The following L3MBTL2 variants were observed in gnomAD, a reference collection of about 807,000 sequenced individuals.
L3MBTL2 encodes the protein L3MBTL histone methyl-lysine binding protein 2.
A neutral mutation model predicts 86.4 loss-of-function variants in L3MBTL2; 49 were observed. The observed-to-expected ratio is 0.57, with a 90% CI of 0.45 to 0.72. L3MBTL2 has a LOEUF of 0.72. L3MBTL2 is among the 30% of genes least tolerant of loss of function. The pLI is 0.00. For missense variants in L3MBTL2, 755 were observed against 923.7 expected (o/e 0.82, Z 2.37); for synonymous variants, 336 against 350.6 (o/e 0.96, Z 0.47).
At chr22:41,226,787 G>A in intron 13 of L3MBTL2, 43 bp downstream of exon 13, 1 of 1,389,310 alleles carries the variant, frequency 7.2e-7, no homozygotes, top group Non-Finnish European at 1.0e-6. Context: ...GGTGGCCTCA[G>A]GACAGGCCCT....
At position 41,230,304 on chromosome 22, in the gene L3MBTL2, T is replaced by C; in HGVS notation, c.*53T>C. On this transcript the variant is annotated 3_prime_UTR_variant, in exon 17 of 17. Coordinates refer to ENST00000216237, the MANE Select transcript of L3MBTL2 (RefSeq NM_031488.5). ...GCTGGAAGCCAGCCCAGCGTTTCTC[T>C]ACCACCACCACCATGCCTCCACCTG... 7.7e-7 allele frequency: 1 copy of C among 1,302,096 alleles called. No individual in the cohort carries two copies. The highest frequency in any genetic ancestry group is 1.1e-6 in the Non-Finnish European group (1 of 898,588). The allele number at this position is 1,302,096 out of a possible 1,614,324, so 80.7% of individuals were successfully genotyped here.
chr22:41,225,980 C>T lies in L3MBTL2; in HGVS notation c.1504+39C>T. On this transcript the variant is annotated intron_variant, in intron 12 of 16. Transcript: ENST00000216237. The surrounding 1 kb of genome is among the most constrained non-coding windows in gnomAD (Gnocchi z 4.1). Reference sequence around the variant, plus strand: ...GGCCACCACCTGCTGTCCTTGCCATCAGAAGGGGCAGGGTGTCCAGGCGCG... The same window carrying T: ...GGCCACCACCTGCTGTCCTTGCCATTAGAAGGGGCAGGGTGTCCAGGCGCG... 6.2e-7 allele frequency: 1 copy of T among 1,606,300 alleles called. No homozygotes were observed. Among genetic ancestry groups the T allele is most frequent in the South Asian group, 1.1e-5 (1 of 90,708 alleles).
chr22:41,227,264 TC>T lies in L3MBTL2; in HGVS notation c.1764del (p.Tyr589ThrfsTer25). The T allele has an allele frequency of 1.2e-6, 2 of 1,612,706 alleles. No homozygotes were observed. The highest frequency in any genetic ancestry group is 8.5e-7 in the Non-Finnish European group (1 of 1,179,774). On this transcript the variant is annotated frameshift_variant, in exon 14 of 17. Transcript: ENST00000216237. LOFTEE classifies it high-confidence loss of function. The surrounding 1 kb of genome is among the most constrained non-coding windows in gnomAD (Gnocchi z 6.0). ...TGGGTGGACTGCGAGTCCCCAGACA[TC>T]TACCCCGTCGGCTGGTGTGAGCTCA... ...DQWVDCESPD[I>X]YPVGWCELTG... is the part of the protein sequence containing the mutation.
At chr22:41,226,629 C>A in intron 12 of L3MBTL2, 33 bp from the exon 13 acceptor site, 1 of 1,489,904 alleles carries the variant, frequency 6.7e-7, no homozygotes, top group Non-Finnish European at 9.4e-7. Context: ...GCTTCCCCCT[C>A]TCCCTCTGCA....
chr22:41,224,201 T>C lies in L3MBTL2; in HGVS notation c.1124T>C (p.Ile375Thr). 1.2e-6 allele frequency: 2 copies of C among 1,613,936 alleles called. No homozygotes were observed. Among genetic ancestry groups the C allele is most frequent in the Non-Finnish European group, 1.7e-6 (2 of 1,179,976 alleles). ...TGGTGCCACATGTGGAGCCCCCTGA[T>C]CCACCCAGTGGGTTGGTCACGACGT... ...DFWCHMWSPL[I>T]HPVGWSRRVG... Residue 375 changes from isoleucine to threonine, a missense_variant, in exon 9 of 17, where the codon ATC (isoleucine) becomes ACC (threonine). By Grantham distance (89) the Ile-to-Thr change is moderately conservative. This residue lies in a region of L3MBTL2 where 634 missense variants were observed against 748.9 expected (regional missense o/e 0.85). Transcript: ENST00000216237. This position sits in a 1 kb window ranked among gnomAD's most constrained non-coding sequence, Gnocchi z 4.9.
intron 2 of L3MBTL2, among the ~76,000 whole-genome samples, chr22:41,213,179 T>G (rs2031044366): frequency 6.6e-6 from 1 of 152,186 alleles, no homozygotes; most frequent in African/African-American, 2.4e-5. Flanking sequence ...ATTGCGCCAG[T>G]GTACTACTCC....
intron 2 of L3MBTL2, among the ~76,000 whole-genome samples, chr22:41,212,074 C>T (rs1395420271): frequency 6.6e-6 from 1 of 151,532 alleles, no homozygotes; most frequent in Non-Finnish European, 1.5e-5. Flanking sequence ...CCGTGTTAGC[C>T]AGGATGGTCT....
At chr22:41,215,866 G>T (rs1005158580) in intron 3 of L3MBTL2, among the ~76,000 whole-genome samples, 1 of 152,224 alleles carries the variant, frequency 6.6e-6, no homozygotes, top group Admixed American at 6.5e-5. Context: ...ACTGAGACTT[G>T]AATCTGGGAG....
rs139451 is a variant in L3MBTL2, at chr22:41,214,020, G to A, written c.390G>A (p.Arg130=). ...CCAAGAAAGCCAGTATCTTGGCTAG[G>A]TTACAGGTGAGAGGCAATCACTTGG... ...SNSKKASILA[R]LQGKPPTKKA... is the part of the protein sequence containing the mutation. Residue 130 remains arginine (R), a synonymous_variant, in exon 3 of 17, where the codon AGG becomes AGA. Transcript: ENST00000216237. 598,814 of 1,613,090 alleles carry A rather than the reference G, an allele frequency of 0.37. 114,590 individuals carry two copies. Among genetic ancestry groups the A allele is most frequent in the African/African-American group, 0.56 (42,312 of 74,896 alleles).
chr22:41,209,426 C>T, intron 1 of L3MBTL2: 1 of 391,230 alleles, frequency 2.6e-6, no homozygotes, highest in Non-Finnish European at 4.9e-6. Flanking sequence ...ATACAGTATT[C>T]TATTTGAACC....
chr22:41,219,638 A>T, intron 6 of L3MBTL2, 102 bp downstream of exon 6: 1 of 730,204 alleles, frequency 1.4e-6, no homozygotes, highest in Non-Finnish European at 2.4e-6. Flanking sequence ...TAAAACAAAA[A>T]TCCCACCCAC....
intron 15 of L3MBTL2, chr22:41,228,182 C>A: frequency 3.0e-6 from 3 of 985,466 alleles, no homozygotes; most frequent in Non-Finnish European, 3.6e-6. Flanking sequence ...CAGAAAAAAA[C>A]AGCCTGGCCT....
At chr22:41,228,851 C>CAA (rs1555921640) in intron 15 of L3MBTL2, among the ~76,000 whole-genome samples, 1,794 of 96,918 alleles carry the variant, frequency 0.019, 38 homozygotes, top group African/African-American at 0.062. Flanking sequence ...CTCCATCGCA[C>CAA]AAAAAAAAAA....
In L3MBTL2 at chr22:41,217,184, C is replaced by T. The variant is rs9611519; in HGVS notation, c.582C>T (p.Pro194=). ...FLKDHSYKAA[P]VSCFKHVPLY... The stretch of plus-strand genomic sequence containing the variant: ...AGGATCACAGTTACAAGGCTGCTCC[C>T]GTCAGCTGTTTCAAGCACGTGAGTG... The change falls in exon 5 of 17, where the codon CCC becomes CCT. Residue 194 remains proline (P), a synonymous_variant. Transcript: ENST00000216237. 0.28 allele frequency: 458,578 copies of T among 1,612,366 alleles called. 70,599 individuals carry two copies. The highest frequency in any genetic ancestry group is 0.5 in the Admixed American group (30,185 of 59,996).
chr22:41,226,988 C>T (rs952924657), intron 13 of L3MBTL2, 101 bp from the exon 14 acceptor site: 2 of 1,059,674 alleles, frequency 1.9e-6, no homozygotes, highest in African/African-American at 1.6e-5. Context: ...ATTCCAGTCC[C>T]CGCCCCTCCC....
chr22:41,226,522 G>A (rs1438428639), intron 12 of L3MBTL2, 140 bp from the exon 13 acceptor site: 3 of 693,960 alleles, frequency 4.3e-6, no homozygotes, highest in Non-Finnish European at 2.6e-6. Flanking sequence ...CTACCCTGAG[G>A]GGATGAGAAG....
At position 41,225,893 on chromosome 22, in the gene L3MBTL2, CCGGCCACCTTCT is replaced by C; in HGVS notation, c.1457_1468del (p.Pro486_Cys490delinsArg). On this transcript the variant is annotated inframe_deletion, in exon 12 of 17. Transcript: ENST00000216237. This position sits in a 1 kb window ranked among gnomAD's most constrained non-coding sequence, Gnocchi z 4.1. Reference sequence around the variant, plus strand: ...CCATGCCTCTTCCCACGCCATCTTCCCGGCCACCTTCTGTCAGAAGAATGACATTGAGCTCAC... The same window carrying C: ...CCATGCCTCTTCCCACGCCATCTTCCGTCAGAAGAATGACATTGAGCTCAC... The C allele has an allele frequency of 6.2e-7, 1 of 1,614,148 alleles. No homozygotes were observed. The highest frequency in any genetic ancestry group is 1.1e-5 in the South Asian group (1 of 91,082).
intron 6 of L3MBTL2, among the ~76,000 whole-genome samples, chr22:41,219,781 A>C (rs903605350): frequency 6.6e-6 from 1 of 152,062 alleles, no homozygotes; most frequent in African/African-American, 2.4e-5. Flanking sequence ...TTGCTCTGTC[A>C]CCCAGGCTGG....
chr22:41,227,202 C>T lies in L3MBTL2; in HGVS notation c.1701C>T (p.Ser567=). The change falls in exon 14 of 17, where the codon AGC becomes AGT. Residue 567 remains serine, a synonymous_variant. Coordinates refer to ENST00000216237, the MANE Select transcript of L3MBTL2 (RefSeq NM_031488.5). This position sits in a 1 kb window ranked among gnomAD's most constrained non-coding sequence, Gnocchi z 6.0. ...TVKRVVHRLL[S]IHFDGWDSEY... ...AACGAGTGGTGCATCGGCTCCTCAG[C>T]ATCCACTTTGACGGCTGGGACAGCG... 1.2e-6 allele frequency: 2 copies of T among 1,613,674 alleles called. No homozygotes were observed. The highest frequency in any genetic ancestry group is 8.5e-7 in the Non-Finnish European group (1 of 1,180,006).
Sources: allele counts gnomAD v4.1 joint callset (sites outside exome capture counted in the v4.1 genomes callset), GRCh38; gene constraint gnomAD v4.1.1; regional missense constraint gnomAD v4.1.1; non-coding constraint Gnocchi (gnomAD v3.1); transcripts MANE v1.5; gene names NCBI Gene and HGNC (gene_info 2026-07-23, HGNC 2026-07-21).